Variants in STX6 observed in about 807,000 individuals in gnomAD.
STX6 encodes the protein syntaxin 6.
Under a neutral mutation model 38.0 loss-of-function variants are expected in STX6, and 23 were observed. That is an observed-to-expected ratio of 0.60 (90% confidence interval 0.43 to 0.86). The LOEUF is 0.86. STX6 is among the 40% of genes least tolerant of loss of function. The pLI is 0.00. For missense variants in STX6, 274 were observed against 312.9 expected, an observed-to-expected ratio of 0.88 and a Z score of 0.94; for synonymous variants, 123 against 107.5, an observed-to-expected ratio of 1.14 and a Z score of -0.89.
rs1426004624 is a variant in STX6, at chr1:181,022,637, A to C, written c.35+2T>G. On this transcript the variant is annotated splice_donor_variant, in intron 1 of 7. Coordinates refer to ENST00000258301, the MANE Select transcript of STX6 (RefSeq NM_005819.6). LOFTEE classifies it high-confidence loss of function. ...CCGGTGGAGCGCTCGGCCGACACTC[A>C]CCCTTTCACCACAAAGAAGGGGTCC... 9 of 1,608,810 alleles carry C rather than the reference A, an allele frequency of 5.6e-6. No individual in the cohort carries two copies. The highest frequency in any genetic ancestry group is 7.6e-6 in the Non-Finnish European group (9 of 1,177,898).
At chr1:181,020,225 A>G (rs988147609) in intron 1 of STX6, among the ~76,000 whole-genome samples, 5 of 152,202 alleles carry the variant, frequency 3.3e-5, no homozygotes, top group African/African-American at 1.2e-4. Context: ...AAAAAAAAAA[A>G]ATGTATTTAA....
intron 7 of STX6, among the ~76,000 whole-genome samples, chr1:180,977,513 C>A (rs1416776607): frequency 2.0e-5 from 3 of 152,236 alleles, no homozygotes; most frequent in Non-Finnish European, 4.4e-5. Context: ...ACAGAGGATG[C>A]TGTCAACATC....
At chr1:181,005,976 C>T (rs531257770) in intron 1 of STX6, among the ~76,000 whole-genome samples, 1 of 152,220 alleles carries the variant, frequency 6.6e-6, no homozygotes, top group South Asian at 2.1e-4. Context: ...TTCTTAAACC[C>T]AAAATCTCAT....
chr1:180,984,063 CAAA>C (rs10625558), intron 7 of STX6, among the ~76,000 whole-genome samples: 5 of 7,166 alleles, frequency 7.0e-4, no homozygotes, highest in African/African-American at 2.0e-3. Context: ...GGCTCCATCT[CAAA>C]AAAAAAAAAA....
Position 180,984,837 on chromosome 1 carries a change from G to T in STX6, c.597-66C>A, listed in dbSNP as rs1383848939. The T allele has an allele frequency of 6.0e-6, 4 of 667,936 alleles. No homozygotes were observed. In the Admixed American group the frequency reaches 9.6e-5, roughly 16 times the overall value. The allele number at this position is 667,936 out of a possible 1,614,324, so 41.4% of individuals were successfully genotyped here. A position where few individuals can be genotyped will look rare whatever the true frequency, so the allele number is the denominator to read the frequency against. On this transcript the variant is annotated intron_variant, in intron 6 of 7. Coordinates refer to ENST00000258301, the MANE Select transcript of STX6 (RefSeq NM_005819.6). ...AGCCTTGGCAGTGCACTTGCACTGG[G>T]TTAAAAGGACCAGGCCTCCATTTTA...
At chr1:181,006,088 A>C (rs933206593) in intron 1 of STX6, among the ~76,000 whole-genome samples, 6 of 152,076 alleles carry the variant, frequency 3.9e-5, no homozygotes, top group Admixed American at 1.3e-4. Flanking sequence ...TTTGAGAGGG[A>C]GTCTTACTCT....
intron 7 of STX6, among the ~76,000 whole-genome samples, chr1:180,982,039 T>C (rs1159247171): frequency 6.6e-6 from 1 of 152,110 alleles, no homozygotes. Flanking sequence ...ATAAAATACT[T>C]CTGTGGGTAG....
intron 3 of STX6, among the ~76,000 whole-genome samples, chr1:180,994,276 G>A (rs1655837205): frequency 6.6e-6 from 1 of 152,108 alleles, no homozygotes; most frequent in Admixed American, 6.5e-5. Context: ...CTTCTTTAAA[G>A]ACCCATGACA....
At chr1:180,984,575 A>T (rs1655516905) in intron 7 of STX6, 102 bp downstream of exon 7, 1 of 486,800 alleles carries the variant, frequency 2.1e-6, no homozygotes, top group African/African-American at 2.0e-5. Context: ...GATCTGTAAA[A>T]AATAAGAAAG....
intron 7 of STX6, among the ~76,000 whole-genome samples, chr1:180,983,570 G>C (rs1367189536): frequency 1.3e-5 from 2 of 152,136 alleles, no homozygotes; most frequent in South Asian, 2.1e-4. Context: ...AAATATTTCA[G>C]TATTGATTTA....
chr1:181,008,726 T>TG (rs979841315), intron 1 of STX6, among the ~76,000 whole-genome samples: 2 of 130,538 alleles, frequency 1.5e-5, no homozygotes, highest in African/African-American at 6.2e-5. Flanking sequence ...TTTCCAAAAT[T>TG]GTTTTTTTTT....
chr1:180,979,699 T>C (rs1380380824), intron 7 of STX6, among the ~76,000 whole-genome samples: 1 of 152,218 alleles, frequency 6.6e-6, no homozygotes, highest in Non-Finnish European at 1.5e-5. Context: ...GAAATTGGGA[T>C]GTCATTAAAA....
At chr1:181,007,557 T>TA (rs1322486210) in intron 1 of STX6, among the ~76,000 whole-genome samples, 1 of 152,202 alleles carries the variant, frequency 6.6e-6, no homozygotes, top group African/African-American at 2.4e-5. Context: ...TTCTGTAAAG[T>TA]AAATATGAAT....
rs1655191154 is a variant in STX6 at position 180,974,187 on chromosome 1, TG to T, written c.*2382del. On this transcript the variant is annotated 3_prime_UTR_variant, in exon 8 of 8. Coordinates refer to ENST00000258301, the MANE Select transcript of STX6 (RefSeq NM_005819.6). ...GAGTGGAGGCCCTTCAAATTAACAC[TG>T]GTTCTGTAGGGACTGCCCAGTCAGG... 6.6e-6 allele frequency: 1 copy of T among 152,212 alleles called. No individual in the cohort carries two copies. Among genetic ancestry groups the T allele is most frequent in the East Asian group, 1.9e-4 (1 of 5,202 alleles). 9.4% of individuals were successfully genotyped at this position (152,212 alleles called of 1,614,324 possible).
chr1:181,021,605 AGTTTTCAGATTTTTCAT>A (rs1459087974), intron 1 of STX6, among the ~76,000 whole-genome samples: 1 of 152,238 alleles, frequency 6.6e-6, no homozygotes, highest in Non-Finnish European at 1.5e-5. Flanking sequence ...GGAACTTTGC[AGTTTTCAGATTTTTCAT>A]GTTTGACATT....
Position 180,975,087 on chromosome 1 carries a change from A to C in STX6, c.*1483T>G, listed in dbSNP as rs879436123. On this transcript the variant is annotated 3_prime_UTR_variant, in exon 8 of 8. Coordinates refer to ENST00000258301, the MANE Select transcript of STX6 (RefSeq NM_005819.6). ...CCCCAAATAAAACCACATGAAATAC[A>C]AACAAAACAAAACAAAAAGGTTTAA... The C allele has an allele frequency of 5.9e-5, 9 of 152,578 alleles. No homozygotes were observed. Among genetic ancestry groups the C allele is most frequent in the Non-Finnish European group, 1.3e-4 (9 of 68,030 alleles). 9.5% of individuals were successfully genotyped at this position (152,578 alleles called of 1,614,324 possible).
At chr1:181,014,305 A>C (rs1656493426) in intron 1 of STX6, among the ~76,000 whole-genome samples, 1 of 152,016 alleles carries the variant, frequency 6.6e-6, no homozygotes, top group South Asian at 2.1e-4. Flanking sequence ...GAGGCAGAAG[A>C]ATCGCTTGAA....
chr1:180,976,666 G>C lies in STX6; in HGVS notation c.692-20C>G, dbSNP rs1235162896. ...GCCGATCTGGAAGGCAGGACATGGG[G>C]ATTAGCTCTCACAGGGACTCCACAT... On this transcript the variant is annotated intron_variant, in intron 7 of 7. Coordinates refer to ENST00000258301, the MANE Select transcript of STX6 (RefSeq NM_005819.6). 1 of 1,610,518 alleles carries C rather than the reference G, an allele frequency of 6.2e-7. No homozygotes were observed. The highest frequency in any genetic ancestry group is 1.3e-5 in the African/African-American group (1 of 74,868).
chr1:180,987,137 T>C (rs1189349787), intron 6 of STX6, among the ~76,000 whole-genome samples: 1 of 152,214 alleles, frequency 6.6e-6, no homozygotes, highest in Non-Finnish European at 1.5e-5. Flanking sequence ...TCCAGACACA[T>C]GGAACCTCTC....
Sources: gnomAD v4.1 joint callset for allele counts (sites outside exome capture counted in the v4.1 genomes callset) on GRCh38, gnomAD v4.1.1 for gene constraint, MANE v1.5 for transcripts, NCBI Gene and HGNC (gene_info 2026-07-23, HGNC 2026-07-21) for gene names.